The following PIK3C2G variants were observed in gnomAD, a reference collection of about 807,000 sequenced individuals.
The protein encoded by PIK3C2G is phosphatidylinositol 3-kinase C2 domain-containing subunit gamma.
In PIK3C2G, 168 loss-of-function variants were observed where a neutral mutation model predicts 181.1. That is an observed-to-expected ratio of 0.93 (90% CI 0.82 to 1.05). The LOEUF is 1.05. PIK3C2G is among the 50% of genes least tolerant of loss of function. The pLI is 0.00. For missense variants in PIK3C2G, 1,869 were observed against 1,732.8 expected (o/e 1.08, Z -1.40); for synonymous variants, 573 against 592.2 (o/e 0.97, Z 0.47).
intron 18 of PIK3C2G, among the ~76,000 whole-genome samples, chr12:18,477,735 C>T (rs910765248): frequency 6.6e-6 from 1 of 152,174 alleles, no homozygotes; most frequent in Non-Finnish European, 1.5e-5. Context: ...AATACCTTTA[C>T]AGAATGAATC....
intron 16 of PIK3C2G, among the ~76,000 whole-genome samples, chr12:18,414,606 C>A (rs1945066449): frequency 6.6e-6 from 1 of 151,814 alleles, no homozygotes; most frequent in Non-Finnish European, 1.5e-5. Context: ...ATATTATTCC[C>A]AATTTTGTTT....
At chr12:18,375,986 G>C (rs1942410862) in intron 13 of PIK3C2G, among the ~76,000 whole-genome samples, 1 of 152,228 alleles carries the variant, frequency 6.6e-6, no homozygotes, top group Non-Finnish European at 1.5e-5. Flanking sequence ...CTAGATTTCA[G>C]AGAATATTTT....
intron 31 of PIK3C2G, among the ~76,000 whole-genome samples, chr12:18,624,678 T>A (rs1182265685): frequency 6.6e-6 from 1 of 151,658 alleles, no homozygotes; most frequent in Non-Finnish European, 1.5e-5. Flanking sequence ...TGGGCTTTTT[T>A]TTGAGGAGAG....
intron 18 of PIK3C2G, among the ~76,000 whole-genome samples, chr12:18,473,996 G>C (rs900851889): frequency 2.6e-5 from 4 of 151,972 alleles, no homozygotes; most frequent in Non-Finnish European, 2.9e-5. Context: ...AAACATTTTT[G>C]GTAAAATGAG....
chr12:18,575,704 G>A (rs1322793546), intron 29 of PIK3C2G, among the ~76,000 whole-genome samples: 2 of 152,168 alleles, frequency 1.3e-5, no homozygotes, highest in Non-Finnish European at 2.9e-5. Context: ...GTAGCAGTTG[G>A]TAACTGGAAA....
intron 5 of PIK3C2G, among the ~76,000 whole-genome samples, chr12:18,297,394 G>C (rs144838202): frequency 1.4e-4 from 21 of 151,948 alleles, no homozygotes; most frequent in African/African-American, 5.1e-4. Flanking sequence ...GTTTCTTTGT[G>C]TGATATATTT....
At chr12:18,696,350 A>ATATC in the PIK3C2G span, 53 of 247,366 alleles carry the variant, frequency 2.1e-4, no homozygotes, top group Admixed American at 9.1e-4. Flanking sequence ...ATATATATAT[A>ATATC]TCATATAATT....
chr12:18,324,963 A>C, intron 7 of PIK3C2G, 72 bp from the exon 8 acceptor site: 1 of 728,254 alleles, frequency 1.4e-6, no homozygotes, highest in Non-Finnish European at 2.4e-6. Context: ...ATTTGTGATA[A>C]ATGTTTGTGC....
chr12:18,323,136 C>A lies in PIK3C2G; in HGVS notation c.1209-1899C>A, dbSNP rs970409996. Among the ~76,000 whole-genome samples the A allele has an allele frequency of 2.0e-5, 3 of 152,248 alleles. No individual in the cohort carries two copies. The East Asian group carries it at 5.8e-4, about 29-fold the overall frequency. On this transcript the variant is annotated intron_variant, in intron 7 of 32. Coordinates refer to ENST00000538779, the MANE Select transcript of PIK3C2G (RefSeq NM_001288772.2). ...GGCTTTCATTCTGTTCTTGTCTTACCCCTGCCATTGCCTGCCCCCTAGCAG... is the reference window on the plus strand; with the variant it reads ...GGCTTTCATTCTGTTCTTGTCTTACACCTGCCATTGCCTGCCCCCTAGCAG...
At chr12:18,558,551 G>C (rs1490507059) in intron 26 of PIK3C2G, among the ~76,000 whole-genome samples, 1 of 152,120 alleles carries the variant, frequency 6.6e-6, no homozygotes. Context: ...TTAGGTCTTT[G>C]ATTCCCTTCT....
At chr12:18,498,329 G>A (rs1941176313) in intron 22 of PIK3C2G, among the ~76,000 whole-genome samples, 1 of 152,170 alleles carries the variant, frequency 6.6e-6, no homozygotes, top group Non-Finnish European at 1.5e-5. Flanking sequence ...TTCAGTGAAA[G>A]TAATGTCAAT....
chr12:18,700,719 T>G, the PIK3C2G span, among the ~76,000 whole-genome samples: 1 of 152,058 alleles, frequency 6.6e-6, no homozygotes, highest in South Asian at 2.1e-4. Flanking sequence ...TAAAATCCCT[T>G]TCACTGAACT....
chr12:18,575,971 GA>G (rs1319720498), intron 29 of PIK3C2G, among the ~76,000 whole-genome samples: 5 of 152,254 alleles, frequency 3.3e-5, no homozygotes, highest in Admixed American at 3.3e-4. Context: ...TTGCATCTGA[GA>G]AGTGATTAGC....
At chr12:18,274,413 A>T (rs1948885799) in intron 1 of PIK3C2G, among the ~76,000 whole-genome samples, 1 of 152,208 alleles carries the variant, frequency 6.6e-6, no homozygotes, top group Admixed American at 6.5e-5. Context: ...CAAATGTCCA[A>T]CAATGATAGA....
intron 30 of PIK3C2G, 93 bp from the exon 31 acceptor site, chr12:18,609,442 A>T: frequency 1.5e-6 from 1 of 681,604 alleles, no homozygotes; most frequent in Non-Finnish European, 2.6e-6. Flanking sequence ...TCTACTTGTT[A>T]TTTATTGGTC....
At chr12:18,707,915 T>A in the PIK3C2G span, among the ~76,000 whole-genome samples, 37,970 of 152,082 alleles carry the variant, frequency 0.25, 5,037 homozygotes, top group East Asian at 0.4. Flanking sequence ...CAACATGATG[T>A]TATGGAACAC....
rs145420148 is a variant in PIK3C2G at position 18,493,943 on chromosome 12, C to T, written c.2794-2119C>T. On this transcript the variant is annotated intron_variant, in intron 20 of 32. Coordinates refer to ENST00000538779, the MANE Select transcript of PIK3C2G (RefSeq NM_001288772.2). ...TCCTTTTAAATCACTAAAGGATGGA[C>T]CAAGTGGGAGAGTGGGAGGAACTGA... is the stretch of plus-strand genomic sequence containing the variant. Among the ~76,000 whole-genome samples the T allele has an allele frequency of 7.7e-3, 1,179 of 152,248 alleles. 10 individuals are homozygous for T. Among genetic ancestry groups the T allele is most frequent in the Non-Finnish European group, 0.011 (781 of 68,002 alleles).
intron 16 of PIK3C2G, among the ~76,000 whole-genome samples, chr12:18,403,273 C>G (rs1171143351): frequency 6.6e-6 from 1 of 152,100 alleles, no homozygotes; most frequent in Non-Finnish European, 1.5e-5. Context: ...ATTCAGGGAA[C>G]TTAGTAGAAT....
chr12:18,531,676 C>A (rs553038747), intron 24 of PIK3C2G, among the ~76,000 whole-genome samples: 2 of 152,174 alleles, frequency 1.3e-5, no homozygotes, highest in African/African-American at 4.8e-5. Context: ...CAAAATAATT[C>A]TCTGAAGATT....
Sources: allele counts gnomAD v4.1 joint callset (sites outside exome capture counted in the v4.1 genomes callset), GRCh38; gene constraint gnomAD v4.1.1; transcripts MANE v1.5; gene names NCBI Gene and HGNC (gene_info 2026-07-23, HGNC 2026-07-21).